The following NXN variants were observed in gnomAD, a reference collection of about 807,000 sequenced individuals.
The protein encoded by NXN is nucleoredoxin 1.
A neutral mutation model predicts 48.6 loss-of-function variants in NXN; 16 were observed. That is an observed-to-expected ratio of 0.33 (90% CI 0.22 to 0.50). The LOEUF (loss-of-function observed/expected upper bound fraction) is 0.50. Ranked by LOEUF, NXN falls within the 20% of genes least tolerant of loss-of-function variation. The pLI is 0.98. For synonymous variants in NXN, 281 were observed against 269.6 expected (o/e 1.04, Z -0.41); for missense variants, 492 against 605.5 (o/e 0.81, Z 1.97).
At chr17:851,953 T>C (rs1173909862) in intron 1 of NXN, among the ~76,000 whole-genome samples, 1 of 152,198 alleles carries the variant, frequency 6.6e-6, no homozygotes, top group Admixed American at 6.5e-5. Flanking sequence ...GACTTTCTCC[T>C]GATCTAACCA....
intron 1 of NXN, among the ~76,000 whole-genome samples, chr17:918,154 A>G (rs994483223): frequency 6.6e-6 from 1 of 151,880 alleles, no homozygotes; most frequent in African/African-American, 2.4e-5. Flanking sequence ...ACTCAATATC[A>G]CCTCCCCCAA....
intron 1 of NXN, among the ~76,000 whole-genome samples, chr17:876,234 AAG>A (rs2068213728): frequency 6.9e-6 from 1 of 145,966 alleles, no homozygotes; most frequent in South Asian, 2.3e-4. Context: ...GAAAGAAAGA[AAG>A]GAGAAGAGAA....
intron 1 of NXN, among the ~76,000 whole-genome samples, chr17:923,945 AT>A (rs1325180066): frequency 2.0e-5 from 3 of 152,308 alleles, no homozygotes; most frequent in African/African-American, 4.8e-5. Flanking sequence ...CCACTTTTGT[AT>A]TTTTTTAAGT....
At chr17:820,543 C>T (rs866857673) in intron 4 of NXN, among the ~76,000 whole-genome samples, 12 of 137,176 alleles carry the variant, frequency 8.7e-5, no homozygotes, top group East Asian at 6.7e-4. Context: ...ACCCAGGAGG[C>T]GGAGCTTGCA....
At chr17:973,326 G>T (rs553890844) in intron 1 of NXN, among the ~76,000 whole-genome samples, 4 of 152,156 alleles carry the variant, frequency 2.6e-5, no homozygotes, top group African/African-American at 9.7e-5. Flanking sequence ...TTTCCCACGC[G>T]AAACAGCAGT....
chr17:867,875 G>A (rs193215288), intron 1 of NXN, among the ~76,000 whole-genome samples: 37 of 150,900 alleles, frequency 2.5e-4, no homozygotes, highest in Non-Finnish European at 1.0e-4. Context: ...GCAGTAAGCC[G>A]ACAGAATGAG....
chr17:854,947 A>C (rs964666909), intron 1 of NXN, among the ~76,000 whole-genome samples: 1 of 151,890 alleles, frequency 6.6e-6, no homozygotes, highest in Non-Finnish European at 1.5e-5. Context: ...CAACAGAGTG[A>C]GACTCCGTCT....
intron 1 of NXN, among the ~76,000 whole-genome samples, chr17:910,366 C>T (rs2068623980): frequency 6.6e-6 from 1 of 150,956 alleles, no homozygotes; most frequent in Non-Finnish European, 1.5e-5. Flanking sequence ...GAGCCGAGAT[C>T]GCGCCGCTGC....
In NXN at chr17:830,818, C is replaced by T. The variant is rs1436560655; in HGVS notation, c.361-4740G>A. ...GAGTTCGACAACAGCCTGGCCAACACGGTGAAAGCCCATCTCTACTAAAAA... is the reference window on the plus strand; with the variant it reads ...GAGTTCGACAACAGCCTGGCCAACATGGTGAAAGCCCATCTCTACTAAAAA... On this transcript the variant is annotated intron_variant, in intron 1 of 7. Coordinates refer to ENST00000336868, the MANE Select transcript of NXN (RefSeq NM_022463.5). The surrounding 1 kb of genome is among the most constrained non-coding windows in gnomAD (Gnocchi z 4.2). 1.3e-5 allele frequency among the ~76,000 whole-genome samples: 2 copies of T among 151,962 alleles called. No individual in the cohort carries two copies. Among genetic ancestry groups the T allele is most frequent in the Admixed American group, 6.6e-5 (1 of 15,246 alleles).
Position 800,906 on chromosome 17 carries a change from G to C in NXN, c.*43C>G. 7.5e-7 allele frequency: 1 copy of C among 1,332,232 alleles called. No individual in the cohort carries two copies. Among genetic ancestry groups the C allele is most frequent in the African/African-American group, 1.5e-5 (1 of 66,290 alleles). 82.5% of individuals were successfully genotyped at this position (1,332,232 alleles called of 1,614,324 possible). ...GCGGAAGGAAGGAGGGGGAGGAGGA[G>C]AAGGCTGAGTTTTAAATAACGTCTC... On this transcript the variant is annotated 3_prime_UTR_variant, in exon 8 of 8. Transcript: ENST00000336868.
intron 1 of NXN, among the ~76,000 whole-genome samples, chr17:827,533 G>A (rs1354773622): frequency 2.6e-5 from 4 of 152,228 alleles, no homozygotes; most frequent in African/African-American, 4.8e-5. Context: ...TGAGGCAGGA[G>A]AATGGCGTGA....
chr17:977,865 C>G (rs947298969), intron 1 of NXN, among the ~76,000 whole-genome samples: 9 of 152,228 alleles, frequency 5.9e-5, no homozygotes, highest in Non-Finnish European at 1.0e-4. Context: ...TCAAGCATGT[C>G]AATCAAAATG....
At chr17:817,687 AAAG>A (rs1912559486) in intron 5 of NXN, among the ~76,000 whole-genome samples, 3 of 151,826 alleles carry the variant, frequency 2.0e-5, no homozygotes, top group East Asian at 3.9e-4. Context: ...AAAAAAAAAA[AAAG>A]AGCCTGATGA....
chr17:810,081 TTACGAGTCCGTGTGAGTGGCGTGCAC>T (rs1409851706), intron 5 of NXN, among the ~76,000 whole-genome samples: 4 of 116,006 alleles, frequency 3.4e-5, no homozygotes, highest in Non-Finnish European at 5.4e-5. Flanking sequence ...GGCGTGCACG[TTACGAGTCCGTGTGAGTGGCGTGCAC>T]GTTACGAGTC....
At position 805,216 on chromosome 17, in the gene NXN, C is replaced by T. The variant is rs773799700; in HGVS notation, c.852G>A (p.Gln284=). ...GCCCCTGCCGCGTGATCACCTCGCC[C>T]TGCGGGTCCAGCATGATGAGCGTGG... The part of the protein sequence containing the change: ...GIPTLIMLDP[Q]GEVITRQGRV... The change falls in exon 6 of 8, where the codon CAG becomes CAA. Residue 284 remains glutamine (Q), a synonymous_variant. Coordinates refer to ENST00000336868, the MANE Select transcript of NXN (RefSeq NM_022463.5). The T allele has an allele frequency of 3.1e-6, 5 of 1,611,960 alleles. No individual in the cohort carries two copies. The highest frequency in any genetic ancestry group is 4.2e-6 in the Non-Finnish European group (5 of 1,179,560).
At position 811,436 on chromosome 17, in the gene NXN, G is replaced by T. The variant is rs576664196; in HGVS notation, c.821-6189C>A. On this transcript the variant is annotated intron_variant, in intron 5 of 7. Transcript: ENST00000336868. ...GTCTTCTGCCAGGTGTGTTGACAAC[G>T]GTCTCCTTAGAAAAAGAATTTTCAG... is the stretch of plus-strand genomic sequence containing the variant. 2.6e-3 allele frequency among the ~76,000 whole-genome samples: 389 copies of T among 151,980 alleles called. 6 individuals are homozygous for T. Among genetic ancestry groups the T allele is most frequent in the Middle Eastern group, 6.8e-3 (2 of 294 alleles).
intron 1 of NXN, among the ~76,000 whole-genome samples, chr17:927,780 G>C (rs956855092): frequency 6.6e-6 from 1 of 151,970 alleles, no homozygotes; most frequent in East Asian, 1.9e-4. Context: ...CAAAAGGGAC[G>C]GGCTTAGAGG....
chr17:934,633 G>A (rs1326369899), intron 1 of NXN, among the ~76,000 whole-genome samples: 1 of 151,894 alleles, frequency 6.6e-6, no homozygotes, highest in African/African-American at 2.4e-5. Flanking sequence ...CAGCACTTTG[G>A]GAGGCCAAGG....
intron 1 of NXN, among the ~76,000 whole-genome samples, chr17:860,690 G>A (rs1241419627): frequency 2.0e-5 from 3 of 152,294 alleles, no homozygotes; most frequent in East Asian, 1.9e-4. Flanking sequence ...CGCCGCGCCC[G>A]GCCTGCATAG....
Sources: gnomAD v4.1 joint callset for allele counts (sites outside exome capture counted in the v4.1 genomes callset) on GRCh38, gnomAD v4.1.1 for gene constraint, Gnocchi (gnomAD v3.1) non-coding constraint, MANE v1.5 for transcripts, NCBI Gene and HGNC (gene_info 2026-07-23, HGNC 2026-07-21) for gene names.